Variants in EYS observed in about 807,000 individuals in gnomAD.
EYS encodes the protein protein eyes shut homolog.
In EYS, 250 loss-of-function variants were observed where a neutral mutation model predicts 282.1. The observed-to-expected ratio is 0.89, with a 90% CI of 0.80 to 0.98. The LOEUF is 0.98. Ranked by LOEUF, EYS falls within the 50% of genes least tolerant of loss-of-function variation. The pLI, the probability that EYS is intolerant of heterozygous loss-of-function variation, is 0.00. For missense variants in EYS, 4,016 were observed against 3,709.0 expected (o/e 1.08, Z -2.15); for synonymous variants, 1,355 against 1,282.9 (o/e 1.06, Z -1.20).
At chr6:64,578,026 T>C (rs1765938367) in intron 26 of EYS, among the ~76,000 whole-genome samples, 1 of 152,116 alleles carries the variant, frequency 6.6e-6, no homozygotes, top group Non-Finnish European at 1.5e-5. Context: ...TCTCAAGCTT[T>C]CATGCTGACA....
chr6:64,750,701 G>C (rs1188409111), intron 22 of EYS, among the ~76,000 whole-genome samples: 1 of 152,122 alleles, frequency 6.6e-6, no homozygotes, highest in African/African-American at 2.4e-5. Flanking sequence ...GAGGCTTTTA[G>C]AGCATCTCAT....
At chr6:64,769,673 T>C (rs1773465960) in intron 22 of EYS, among the ~76,000 whole-genome samples, 2 of 151,910 alleles carry the variant, frequency 1.3e-5, no homozygotes, top group African/African-American at 4.8e-5. Context: ...TTGGATCACC[T>C]AAAAAATGTA....
intron 5 of EYS, among the ~76,000 whole-genome samples, chr6:65,475,324 C>G (rs1765360159): frequency 6.6e-6 from 1 of 152,024 alleles, no homozygotes; most frequent in Non-Finnish European, 1.5e-5. Context: ...AGAGCTACTG[C>G]TTTTCATTTA....
chr6:64,595,678 T>A (rs532954245), intron 24 of EYS, among the ~76,000 whole-genome samples: 81 of 152,070 alleles, frequency 5.3e-4, no homozygotes, highest in African/African-American at 1.9e-3. Context: ...AAAAATGCAA[T>A]CCCAGTCACA....
chr6:63,863,775 A>G (rs1772604713), intron 36 of EYS, among the ~76,000 whole-genome samples: 1 of 149,124 alleles, frequency 6.7e-6, no homozygotes, highest in Admixed American at 6.7e-5. Context: ...TCCTGGGTTC[A>G]AGCGATTCTC....
At chr6:65,023,382 A>G (rs1290563327) in intron 13 of EYS, among the ~76,000 whole-genome samples, 1 of 152,172 alleles carries the variant, frequency 6.6e-6, no homozygotes, top group Non-Finnish European at 1.5e-5. Flanking sequence ...GAACAGATAT[A>G]ATACTCTAAA....
intron 8 of EYS, among the ~76,000 whole-genome samples, chr6:65,374,405 G>C (rs9345613): frequency 0.41 from 62,633 of 151,744 alleles, 13,925 homozygotes; most frequent in South Asian, 0.5. Flanking sequence ...GCAATCCGCA[G>C]ACCAGGAGAT....
intron 30 of EYS, among the ~76,000 whole-genome samples, chr6:64,283,805 CA>C (rs1418782221): frequency 3.3e-5 from 5 of 151,956 alleles, no homozygotes; most frequent in Non-Finnish European, 7.4e-5. Context: ...ATGGTGGTGG[CA>C]AGAGAAAATA....
intron 22 of EYS, among the ~76,000 whole-genome samples, chr6:64,806,982 C>A (rs1262246025): frequency 6.6e-6 from 1 of 152,046 alleles, no homozygotes; most frequent in Non-Finnish European, 1.5e-5. Flanking sequence ...CTGTGTGAGT[C>A]TAATTTGAAT....
intron 31 of EYS, among the ~76,000 whole-genome samples, chr6:64,161,293 C>T (rs1775098875): frequency 6.6e-6 from 1 of 152,216 alleles, no homozygotes; most frequent in Admixed American, 6.5e-5. Context: ...AAGGATCTGA[C>T]TGACCACATC....
At chr6:65,431,556 G>A (rs1767886879) in intron 5 of EYS, among the ~76,000 whole-genome samples, 1 of 151,794 alleles carries the variant, frequency 6.6e-6, no homozygotes, top group African/African-American at 2.4e-5. Context: ...CTTTAAATAT[G>A]TTGAAAACAC....
At chr6:64,911,534 A>C (rs933007075) in intron 16 of EYS, among the ~76,000 whole-genome samples, 1 of 152,140 alleles carries the variant, frequency 6.6e-6, no homozygotes, top group African/African-American at 2.4e-5. Flanking sequence ...ATCTAAGCTG[A>C]CTTTTTTGAA....
chr6:64,521,162 GC>G (rs1185393118), intron 26 of EYS, among the ~76,000 whole-genome samples: 1 of 151,778 alleles, frequency 6.6e-6, no homozygotes, highest in Non-Finnish European at 1.5e-5. Context: ...AAGCTAAGTT[GC>G]TATGGTTGGC....
intron 2 of EYS, among the ~76,000 whole-genome samples, chr6:65,563,631 C>T (rs1375458176): frequency 2.0e-5 from 3 of 151,790 alleles, no homozygotes; most frequent in Non-Finnish European, 2.9e-5. Context: ...TGACATTGTA[C>T]ACAGAGAATA....
chr6:64,636,704 A>G (rs1291484792), intron 22 of EYS, among the ~76,000 whole-genome samples: 1 of 152,136 alleles, frequency 6.6e-6, no homozygotes, highest in Non-Finnish European at 1.5e-5. Context: ...ACAAAGGGCT[A>G]ATATCCAGAA....
intron 5 of EYS, among the ~76,000 whole-genome samples, chr6:65,484,073 T>C (rs1240092608): frequency 6.6e-6 from 1 of 151,986 alleles, no homozygotes; most frequent in Non-Finnish European, 1.5e-5. Flanking sequence ...ACATATTTTA[T>C]ACATCTTTTA....
chr6:64,334,664 A>G (rs973180405), intron 29 of EYS, among the ~76,000 whole-genome samples: 1 of 152,196 alleles, frequency 6.6e-6, no homozygotes, highest in Admixed American at 6.5e-5. Flanking sequence ...CAGGCAACCC[A>G]GAGGAGAGAT....
chr6:64,157,287 C>T (rs557936106), intron 31 of EYS, among the ~76,000 whole-genome samples: 11 of 152,158 alleles, frequency 7.2e-5, no homozygotes, highest in African/African-American at 1.7e-4. Flanking sequence ...TTAATCCAGT[C>T]TATCATTGTT....
chr6:64,494,052 A>G (rs1388818847), intron 26 of EYS, among the ~76,000 whole-genome samples: 2 of 151,614 alleles, frequency 1.3e-5, no homozygotes, highest in Non-Finnish European at 3.0e-5. Context: ...GTAGAGTTGG[A>G]TAATTGTCTT....
Sources: gnomAD v4.1 joint callset for allele counts (sites outside exome capture counted in the v4.1 genomes callset) on GRCh38, gnomAD v4.1.1 for gene constraint, MANE v1.5 for transcripts, NCBI Gene and HGNC (gene_info 2026-07-23, HGNC 2026-07-21) for gene names.